The following RUNX1 variants were observed in gnomAD, a reference collection of about 807,000 sequenced individuals.
The protein encoded by RUNX1 is runt-related transcription factor 1.
RUNX1 carries 19 observed loss-of-function variants against 42.8 expected under a neutral mutation model. The ratio of observed to expected loss-of-function variants is 0.44; its 90% CI spans 0.31 to 0.65. The LOEUF is 0.65. Ranked by LOEUF, RUNX1 falls within the 30% of genes least tolerant of loss-of-function variation. The pLI is 0.07. For synonymous variants in RUNX1, 271 were observed against 289.4 expected, an observed-to-expected ratio of 0.94 and a Z score of 0.64; for missense variants, 528 against 672.0, an observed-to-expected ratio of 0.79 and a Z score of 2.37.
chr21:34,824,760 G>GC (rs2056963915), intron 7 of RUNX1, among the ~76,000 whole-genome samples: 1 of 152,080 alleles, frequency 6.6e-6, no homozygotes, highest in African/African-American at 2.4e-5. Flanking sequence ...AAGTCCCTCC[G>GC]CATCATTTAA....
chr21:35,004,876 C>T (rs1361771237), intron 2 of RUNX1, among the ~76,000 whole-genome samples: 1 of 152,184 alleles, frequency 6.6e-6, no homozygotes, highest in Non-Finnish European at 1.5e-5. Context: ...CCTACAAGAA[C>T]ATGGATGTGG....
intron 2 of RUNX1, among the ~76,000 whole-genome samples, chr21:35,025,886 T>A (rs1018768923): frequency 1.3e-5 from 2 of 152,110 alleles, no homozygotes; most frequent in African/African-American, 4.8e-5. Flanking sequence ...TTCTTACTCA[T>A]CTAGGGTGCT....
chr21:34,827,021 G>A (rs966552251), intron 7 of RUNX1, among the ~76,000 whole-genome samples: 27 of 152,184 alleles, frequency 1.8e-4, no homozygotes, highest in African/African-American at 6.5e-4. Flanking sequence ...CTAAATCTTC[G>A]TAGAGATTAC....
At chr21:34,818,754 C>G (rs2056867200) in intron 7 of RUNX1, among the ~76,000 whole-genome samples, 1 of 152,234 alleles carries the variant, frequency 6.6e-6, no homozygotes, top group African/African-American at 2.4e-5. Context: ...CAGATGCCTG[C>G]AGACTGTCTG....
At chr21:34,888,594 G>A (rs998506819) in intron 3 of RUNX1, 47 of 1,059,784 alleles carry the variant, frequency 4.4e-5, no homozygotes, top group Non-Finnish European at 5.3e-5. Flanking sequence ...TAGGAGCCCC[G>A]GAAAGAAGTG....
At position 34,874,610 on chromosome 21, in the gene RUNX1, C is replaced by CAA. The variant is rs59950735; in HGVS notation, c.508+5945_508+5946dup. Among the ~76,000 whole-genome samples, 184 of 25,164 alleles carry CAA rather than the reference C, an allele frequency of 7.3e-3. 23 individuals carry two copies. Among genetic ancestry groups the CAA allele is most frequent in the East Asian group, 0.013 (10 of 778 alleles). The allele number at this position is 25,164 out of a possible 152,430, so 16.5% of individuals were successfully genotyped here. A position where few individuals can be genotyped will look rare whatever the true frequency, so the allele number is the denominator to read the frequency against. ...AGGCAACAAGAGGGAAACTCTGTCTCAAAAAAAAAAAAAAAAAAAAAAAAA... is the reference window on the plus strand; with the variant it reads ...AGGCAACAAGAGGGAAACTCTGTCTCAAAAAAAAAAAAAAAAAAAAAAAAAAA... On this transcript the variant is annotated intron_variant, in intron 5 of 8. Coordinates refer to ENST00000675419, the MANE Select transcript of RUNX1 (RefSeq NM_001754.5).
At chr21:35,023,469 A>G (rs1426166404) in intron 2 of RUNX1, among the ~76,000 whole-genome samples, 3 of 152,122 alleles carry the variant, frequency 2.0e-5, no homozygotes, top group East Asian at 3.8e-4. Flanking sequence ...GGGTGGGTGG[A>G]TCAGACTGAG....
intron 8 of RUNX1, chr21:34,798,027 A>C (rs1378564308): frequency 1.3e-5 from 6 of 456,502 alleles, no homozygotes; most frequent in Non-Finnish European, 2.6e-5. Context: ...AGCTCTTAGA[A>C]GGCATTCTGT....
At chr21:34,937,320 C>CAAAA (rs35504628) in intron 2 of RUNX1, among the ~76,000 whole-genome samples, 3 of 122,206 alleles carry the variant, frequency 2.5e-5, no homozygotes, top group Non-Finnish European at 3.3e-5. Context: ...GGCCATCAGC[C>CAAAA]AAAAAAAAAA....
chr21:34,997,844 T>C (rs1199597435), intron 2 of RUNX1, among the ~76,000 whole-genome samples: 1 of 152,208 alleles, frequency 6.6e-6, no homozygotes, highest in Non-Finnish European at 1.5e-5. Context: ...ACCATCATCC[T>C]TCTCTCCCCA....
chr21:34,946,979 G>C (rs1181819625), intron 2 of RUNX1, among the ~76,000 whole-genome samples: 1 of 152,148 alleles, frequency 6.6e-6, no homozygotes, highest in African/African-American at 2.4e-5. Context: ...TAGTTAAGCA[G>C]TTTCATTCTT....
intron 2 of RUNX1, among the ~76,000 whole-genome samples, chr21:34,963,231 GA>G (rs1438780767): frequency 2.6e-5 from 4 of 152,316 alleles, no homozygotes; most frequent in Middle Eastern, 6.8e-3. Context: ...TGGCTTCCCT[GA>G]ACCCTGAACC....
intron 2 of RUNX1, among the ~76,000 whole-genome samples, chr21:34,969,089 C>G (rs2146738888): frequency 1.3e-5 from 2 of 152,240 alleles, no homozygotes; most frequent in Middle Eastern, 6.8e-3. Flanking sequence ...TCTCTTGCGC[C>G]CTTTGAAGTA....
At chr21:34,914,477 C>T (rs1186926897) in intron 2 of RUNX1, among the ~76,000 whole-genome samples, 2 of 152,110 alleles carry the variant, frequency 1.3e-5, no homozygotes, top group African/African-American at 2.4e-5. Context: ...ACCTACTGTA[C>T]CCACAATATG....
At chr21:34,832,888 TCAAGCTTTAGGTTTCTGTTTGTTTA>T (rs2057083575) in intron 7 of RUNX1, 2 of 152,268 alleles carry the variant, frequency 1.3e-5, no homozygotes, top group South Asian at 4.1e-4. Flanking sequence ...CCCCAAAACA[TCAAGCTTTAGGTTTCTGTTTGTTTA>T]CAAAAGGGTT....
At chr21:34,992,227 C>T (rs2058949764) in intron 2 of RUNX1, among the ~76,000 whole-genome samples, 1 of 152,198 alleles carries the variant, frequency 6.6e-6, no homozygotes, top group Non-Finnish European at 1.5e-5. Context: ...GGCCTGCTTC[C>T]CTGGAAGTTC....
chr21:34,925,629 T>G (rs2058387294), intron 2 of RUNX1, among the ~76,000 whole-genome samples: 1 of 152,206 alleles, frequency 6.6e-6, no homozygotes, highest in Non-Finnish European at 1.5e-5. Context: ...CTCTTCCTGA[T>G]CTTAGACTTC....
chr21:34,945,078 G>C (rs935715172), intron 2 of RUNX1, among the ~76,000 whole-genome samples: 2 of 152,136 alleles, frequency 1.3e-5, no homozygotes, highest in African/African-American at 4.8e-5. Context: ...TGCCAATATA[G>C]ATATTATCAA....
intron 7 of RUNX1, among the ~76,000 whole-genome samples, chr21:34,823,097 T>C (rs2146009966): frequency 6.6e-6 from 1 of 152,302 alleles, no homozygotes; most frequent in South Asian, 2.1e-4. Context: ...ACATCATCCA[T>C]AGCAGGAACT....
Sources: allele counts gnomAD v4.1 joint callset (sites outside exome capture counted in the v4.1 genomes callset), GRCh38; gene constraint gnomAD v4.1.1; transcripts MANE v1.5; gene names NCBI Gene and HGNC (gene_info 2026-07-23, HGNC 2026-07-21).